Variants in NDUFAF6 observed in about 807,000 individuals in gnomAD.
The protein encoded by NDUFAF6 is NADH dehydrogenase (ubiquinone) complex I, assembly factor 6.
Under a neutral mutation model 40.8 loss-of-function variants are expected in NDUFAF6, and 45 were observed. The ratio of observed to expected loss-of-function variants is 1.10; its 90% CI spans 0.87 to 1.42. The LOEUF is 1.42. Ranked by LOEUF, NDUFAF6 falls within the 40% of genes most tolerant of loss-of-function variation. The pLI is 0.00. For missense variants in NDUFAF6, 435 were observed against 418.5 expected (o/e 1.04, Z -0.34); for synonymous variants, 185 against 155.9 (o/e 1.19, Z -1.39).
chr8:95,101,653 A>G lies in NDUFAF6; in HGVS notation n.230+427A>G, dbSNP rs11988302. The stretch of plus-strand genomic sequence containing the variant: ...AATTCTGCTTTCACGTGATGGACAC[A>G]TGCATAGTTTTCATATCATCCCCTC... On this transcript the variant is annotated intron_variant and non_coding_transcript_variant, in intron 2 of 2. Coordinates refer to the NDUFAF6 transcript ENST00000521063. Among the ~76,000 whole-genome samples, 403 of 152,364 alleles carry G rather than the reference A, an allele frequency of 2.6e-3. 2 individuals carry two copies. Among genetic ancestry groups the G allele is most frequent in the African/African-American group, 9.4e-3 (393 of 41,590 alleles).
upstream of NDUFAF6, among the ~76,000 whole-genome samples, chr8:95,022,066 T>C (rs1300073374): frequency 1.3e-5 from 2 of 152,188 alleles, no homozygotes; most frequent in African/African-American, 2.4e-5. Flanking sequence ...CTAAAAAGTA[T>C]TTAATTGTGG....
chr8:94,997,824 C>T (rs982272492), intron 2 of NDUFAF6, among the ~76,000 whole-genome samples: 7 of 152,198 alleles, frequency 4.6e-5, no homozygotes, highest in Admixed American at 2.6e-4. Context: ...GGAAGAAGAA[C>T]GTTGTTCTCT....
At chr8:94,930,319 A>T in intron 1 of NDUFAF6, 1 of 968,616 alleles carries the variant, frequency 1.0e-6, no homozygotes, top group Non-Finnish European at 1.5e-6. Context: ...GATACACAGC[A>T]TATAAATCTG....
chr8:94,906,085 A>G (rs1434639233), intron 1 of NDUFAF6, among the ~76,000 whole-genome samples: 1 of 152,204 alleles, frequency 6.6e-6, no homozygotes, highest in African/African-American at 2.4e-5. Flanking sequence ...GTGCACGTGA[A>G]CACCTAGTCA....
chr8:95,082,671 G>GT (rs1350748392), intron 2 of NDUFAF6, among the ~76,000 whole-genome samples: 1 of 151,474 alleles, frequency 6.6e-6, no homozygotes, highest in Non-Finnish European at 1.5e-5. Context: ...GTTTTGTTTT[G>GT]TTTTTTGAGA....
At chr8:95,115,994 C>T (rs1254277249) in intron 5 of NDUFAF6, among the ~76,000 whole-genome samples, 5 of 152,018 alleles carry the variant, frequency 3.3e-5, no homozygotes, top group South Asian at 2.1e-4. Context: ...ACAAATTAGC[C>T]GGGGGTGGTG....
intron 1 of NDUFAF6, among the ~76,000 whole-genome samples, chr8:94,907,164 A>G (rs1014894187): frequency 1.3e-5 from 2 of 150,756 alleles, no homozygotes; most frequent in Non-Finnish European, 3.0e-5. Flanking sequence ...TACTCTAGCC[A>G]GAAGTGATGT....
chr8:94,961,768 T>G (rs1244731550), intron 1 of NDUFAF6, among the ~76,000 whole-genome samples: 1 of 152,202 alleles, frequency 6.6e-6, no homozygotes, highest in Non-Finnish European at 1.5e-5. Flanking sequence ...AAAACTAAGG[T>G]CTCTTGGCTA....
intron 1 of NDUFAF6, among the ~76,000 whole-genome samples, chr8:94,923,225 AAAGTTAGC>A (rs1353723985): frequency 6.6e-6 from 1 of 152,194 alleles, no homozygotes; most frequent in Non-Finnish European, 1.5e-5. Context: ...GGTGTGAGAA[AAAGTTAGC>A]AGAGTAGTGG....
chr8:94,938,663 T>G (rs1474647297), intron 1 of NDUFAF6, among the ~76,000 whole-genome samples: 2 of 152,198 alleles, frequency 1.3e-5, no homozygotes, highest in African/African-American at 4.8e-5. Flanking sequence ...CCAATAGTAC[T>G]GAGTTCAGGG....
At chr8:94,971,354 C>T (rs1044776061) in intron 1 of NDUFAF6, among the ~76,000 whole-genome samples, 1 of 152,154 alleles carries the variant, frequency 6.6e-6, no homozygotes, top group East Asian at 1.9e-4. Flanking sequence ...CTGATACTCC[C>T]AAACAATATT....
At chr8:95,031,962 A>G in intron 1 of NDUFAF6, 33 bp from the exon 2 acceptor site, 1 of 1,579,712 alleles carries the variant, frequency 6.3e-7, no homozygotes, top group East Asian at 2.2e-5. Context: ...TGGAAAGTGA[A>G]GAGTAACTGT....
intron 4 of NDUFAF6, among the ~76,000 whole-genome samples, chr8:95,109,625 C>A (rs1809940409): frequency 2.6e-5 from 4 of 151,568 alleles, no homozygotes; most frequent in Admixed American, 2.0e-4. Flanking sequence ...GAGAGACCTT[C>A]ATGATGAACC....
intron 2 of NDUFAF6, among the ~76,000 whole-genome samples, chr8:95,087,320 T>G (rs1451626914): frequency 6.6e-6 from 1 of 152,180 alleles, no homozygotes; most frequent in African/African-American, 2.4e-5. Context: ...CCCCAAAGAT[T>G]TTTTTTATAC....
chr8:95,025,917 G>A (rs889330044), intron 1 of NDUFAF6, among the ~76,000 whole-genome samples: 1 of 152,144 alleles, frequency 6.6e-6, no homozygotes. Flanking sequence ...CATGCGGCAG[G>A]GACCCCTGGG....
rs968303191 is a variant in NDUFAF6 at position 94,933,705 on chromosome 8, C to T, written c.-935-11778C>T. ...GCTTGAATCTGGGAGGCAGAGGTTG[C>T]AGTGAGCTGAGATCGCGCCACTGCA... is the stretch of plus-strand genomic sequence containing the variant. On this transcript the variant is annotated intron_variant, in intron 1 of 14. Transcript: ENST00000396113. Among the ~76,000 whole-genome samples the T allele has an allele frequency of 5.9e-5, 9 of 151,814 alleles. No homozygotes were observed. The South Asian group carries it at 1.5e-3, about 25-fold the overall frequency.
chr8:94,921,244 ATAGT>A (rs1301991450), intron 1 of NDUFAF6, among the ~76,000 whole-genome samples: 2 of 152,210 alleles, frequency 1.3e-5, no homozygotes, highest in Non-Finnish European at 2.9e-5. Context: ...GTGGAGCAAG[ATAGT>A]TGCCATAGTT....
chr8:95,101,370 A>G (rs1563869010), intron 2 of NDUFAF6: 1 of 152,190 alleles, frequency 6.6e-6, no homozygotes, highest in Non-Finnish European at 1.5e-5. Context: ...CTTGGTTGCA[A>G]TTCCCACCCA....
At chr8:95,098,876 C>T (rs1362383650), upstream of NDUFAF6, among the ~76,000 whole-genome samples, 10 of 151,968 alleles carry the variant, frequency 6.6e-5, no homozygotes, top group African/African-American at 2.2e-4. Flanking sequence ...GCGCCAAGAT[C>T]GCCCCACTAC....
Sources: allele counts gnomAD v4.1 joint callset (sites outside exome capture counted in the v4.1 genomes callset), GRCh38; gene constraint gnomAD v4.1.1; transcripts MANE v1.5; gene names NCBI Gene and HGNC (gene_info 2026-07-23, HGNC 2026-07-21).